FLT1: variants seen among roughly 807,000 people sequenced by gnomAD.
FLT1 encodes the protein vascular endothelial growth factor receptor 1.
FLT1 carries 49 observed loss-of-function variants against 156.3 expected under a neutral mutation model. The observed-to-expected ratio is 0.31, with a 90% CI of 0.25 to 0.40. The LOEUF (loss-of-function observed/expected upper bound fraction) is 0.40. Ranked by LOEUF, FLT1 falls within the 10% of genes least tolerant of loss-of-function variation. FLT1 has a pLI of 1.00. For synonymous variants in FLT1, 594 were observed against 583.8 expected (o/e 1.02, Z -0.25); for missense variants, 1,322 against 1,637.2 (o/e 0.81, Z 3.32).
chr13:28,389,241 A>C, intron 13 of FLT1: 1 of 1,130,080 alleles, frequency 8.8e-7, no homozygotes, highest in Non-Finnish European at 1.1e-6. Flanking sequence ...GTCCCAAATA[A>C]AACCAGGCAG....
intron 20 of FLT1, among the ~76,000 whole-genome samples, chr13:28,325,771 C>T (rs1212959808): frequency 7.2e-6 from 1 of 139,268 alleles, no homozygotes; most frequent in Non-Finnish European, 1.5e-5. Flanking sequence ...GCTGAGATCA[C>T]ACCACTGCAC....
In FLT1 at chr13:28,344,792, C is replaced by CTTT. The variant is rs869199622; in HGVS notation, c.2355+650_2355+652dup. ...AGAGAAGTCAAAGGTGGGGCCTTTACTTTTTTTTTTTTTTTTTTTTTTTTT... is the reference window on the plus strand; with the variant it reads ...AGAGAAGTCAAAGGTGGGGCCTTTACTTTTTTTTTTTTTTTTTTTTTTTTTTTT... On this transcript the variant is annotated intron_variant, in intron 16 of 29. Coordinates refer to ENST00000282397, the MANE Select transcript of FLT1 (RefSeq NM_002019.4). Among the ~76,000 whole-genome samples the CTTT allele has an allele frequency of 8.5e-3, 351 of 41,438 alleles. 61 individuals carry two copies. The highest frequency in any genetic ancestry group is 0.011 in the Non-Finnish European group (222 of 20,970). The allele number at this position is 41,438 out of a possible 152,430, so 27.2% of individuals were successfully genotyped here. A position where few individuals can be genotyped will look rare whatever the true frequency, so the allele number is the denominator to read the frequency against.
intron 27 of FLT1, 151 bp from the exon 28 acceptor site, chr13:28,309,078 C>A (rs1870876845): frequency 1.5e-6 from 1 of 646,482 alleles, no homozygotes; most frequent in East Asian, 2.9e-5. Flanking sequence ...CCCGCCGTGA[C>A]CCCTGGGAAT....
At chr13:28,449,471 A>G (rs1408082049) in intron 3 of FLT1, among the ~76,000 whole-genome samples, 1 of 152,146 alleles carries the variant, frequency 6.6e-6, no homozygotes, top group East Asian at 1.9e-4. Flanking sequence ...CCTCAACTAT[A>G]ATTTATCAGC....
chr13:28,394,112 AT>A (rs1166089603), intron 12 of FLT1, among the ~76,000 whole-genome samples: 2 of 152,228 alleles, frequency 1.3e-5, no homozygotes, highest in Non-Finnish European at 2.9e-5. Flanking sequence ...AGTGACAAAG[AT>A]TTGAGTGAGA....
intron 18 of FLT1, among the ~76,000 whole-genome samples, chr13:28,331,573 G>A (rs1172252308): frequency 6.6e-6 from 1 of 152,190 alleles, no homozygotes; most frequent in Admixed American, 6.5e-5. Context: ...TGGGACTACA[G>A]GTGCCCACCA....
chr13:28,445,219 G>A (rs561263420), intron 3 of FLT1, among the ~76,000 whole-genome samples: 51 of 152,138 alleles, frequency 3.4e-4, no homozygotes, highest in African/African-American at 1.1e-3. Context: ...GCTCATGCCC[G>A]TAATCCCAGC....
intron 14 of FLT1, among the ~76,000 whole-genome samples, chr13:28,374,947 C>T (rs1004029296): frequency 1.3e-5 from 2 of 152,128 alleles, no homozygotes; most frequent in African/African-American, 4.8e-5. Flanking sequence ...CCCTGCTATT[C>T]ATACGAATAG....
chr13:28,306,267 C>T (rs1174380529), intron 29 of FLT1, among the ~76,000 whole-genome samples: 1 of 152,164 alleles, frequency 6.6e-6, no homozygotes, highest in Non-Finnish European at 1.5e-5. Flanking sequence ...TCTCAGGGTA[C>T]AGGTCTTAGC....
At chr13:28,486,409 C>T (rs1362171494) in intron 1 of FLT1, among the ~76,000 whole-genome samples, 1 of 152,246 alleles carries the variant, frequency 6.6e-6, no homozygotes, top group East Asian at 1.9e-4. Flanking sequence ...CCATACTGAT[C>T]CCAGCACCGG....
chr13:28,334,609 A>G (rs1370135277), intron 17 of FLT1, among the ~76,000 whole-genome samples: 1 of 152,208 alleles, frequency 6.6e-6, no homozygotes, highest in East Asian at 1.9e-4. Context: ...CATAACTTTA[A>G]AATAATCACT....
At chr13:28,457,063 G>T (rs1452949925) in intron 3 of FLT1, among the ~76,000 whole-genome samples, 1 of 152,062 alleles carries the variant, frequency 6.6e-6, no homozygotes, top group African/African-American at 2.4e-5. Context: ...TTCTGGTGGG[G>T]AATGTTGATA....
intron 16 of FLT1, among the ~76,000 whole-genome samples, 156 bp from the exon 17 acceptor site, chr13:28,339,456 C>T (rs1197971992): frequency 6.6e-6 from 1 of 152,232 alleles, no homozygotes; most frequent in African/African-American, 2.4e-5. Flanking sequence ...ACACTCATCA[C>T]ACTTAGGTGT....
rs577941730 is a variant in FLT1, at chr13:28,480,326, C to T, written c.65-12709G>A. ...GAGATACAACAATAAACAAGACAAA[C>T]GAGGTTGCTTCCTTTACAGTGTTTA... On this transcript the variant is annotated intron_variant, in intron 1 of 29. Transcript: ENST00000282397. 1.0e-3 allele frequency among the ~76,000 whole-genome samples: 154 copies of T among 152,178 alleles called. 1 individual carries two copies. The highest frequency in any genetic ancestry group is 3.3e-3 in the African/African-American group (139 of 41,526).
chr13:28,397,734 G>T (rs1161504999), intron 11 of FLT1, among the ~76,000 whole-genome samples: 1 of 147,940 alleles, frequency 6.8e-6, no homozygotes, highest in Non-Finnish European at 1.5e-5. Flanking sequence ...AGCACTGGAT[G>T]GTCCTGAAGG....
At chr13:28,481,813 C>T (rs80112803) in intron 1 of FLT1, among the ~76,000 whole-genome samples, 9,781 of 152,234 alleles carry the variant, frequency 0.064, 495 homozygotes, top group Admixed American at 0.12. Flanking sequence ...GGAACACATC[C>T]TTTAATATAG....
intron 14 of FLT1, among the ~76,000 whole-genome samples, chr13:28,372,064 ATATATATATATAT>A (rs1565990362): frequency 4.1e-4 from 17 of 41,890 alleles, no homozygotes; most frequent in East Asian, 1.4e-3. Flanking sequence ...ATATATATAT[ATATATATATATAT>A]TTTTTTTTTT....
chr13:28,478,151 C>T (rs778010847), intron 1 of FLT1, among the ~76,000 whole-genome samples: 9 of 152,318 alleles, frequency 5.9e-5, no homozygotes, highest in Non-Finnish European at 1.0e-4. Flanking sequence ...ACTGCCTTAA[C>T]TTTAGATTTC....
chr13:28,355,903 A>G (rs1189013427), intron 15 of FLT1, among the ~76,000 whole-genome samples: 3 of 152,234 alleles, frequency 2.0e-5, no homozygotes, highest in Non-Finnish European at 2.9e-5. Context: ...TTTTAAGCAC[A>G]CTGGCTTCTG....
Sources: gnomAD v4.1 joint callset for allele counts (sites outside exome capture counted in the v4.1 genomes callset) on GRCh38, gnomAD v4.1.1 for gene constraint, MANE v1.5 for transcripts, NCBI Gene and HGNC (gene_info 2026-07-23, HGNC 2026-07-21) for gene names.